The following TRIM37 variants were observed in gnomAD, a reference collection of about 807,000 sequenced individuals.
TRIM37 encodes E3 ubiquitin-protein ligase TRIM37.
In TRIM37, 80 loss-of-function variants were observed where a neutral mutation model predicts 129.8. That is an observed-to-expected ratio of 0.62 (90% CI 0.51 to 0.74). The LOEUF is 0.74. TRIM37 is among the 30% of genes least tolerant of loss of function. TRIM37 has a pLI of 0.00. For synonymous variants in TRIM37, 389 were observed against 387.1 expected (o/e 1.00, Z -0.06); for missense variants, 1,054 against 1,176.5 (o/e 0.90, Z 1.52).
chr17:58,989,652 G>A (rs1232136237), intron 24 of TRIM37, among the ~76,000 whole-genome samples: 2 of 151,854 alleles, frequency 1.3e-5, no homozygotes, highest in Non-Finnish European at 2.9e-5. Context: ...ACATCTTGAA[G>A]ATAAGTTAAA....
intron 2 of TRIM37, among the ~76,000 whole-genome samples, chr17:59,095,269 T>C (rs2044743292): frequency 6.6e-6 from 1 of 151,980 alleles, no homozygotes; most frequent in Non-Finnish European, 1.5e-5. Context: ...GGTATAGCTA[T>C]TATGGCAAAG....
At chr17:59,017,538 G>T in intron 19 of TRIM37, 114 bp from the exon 20 acceptor site, 1 of 1,418,168 alleles carries the variant, frequency 7.1e-7, no homozygotes, top group Non-Finnish European at 9.9e-7. Flanking sequence ...TCTCTCTACT[G>T]TCTAAAAATA....
Position 59,051,133 on chromosome 17 carries a change from A to G in TRIM37, c.1314+81T>C, listed in dbSNP as rs544347930. Reference sequence around the variant, plus strand: ...AATTACAAAATTACAAATAGCAATAAAATATATAAAATCTAATTACAAATA... The same window carrying G: ...AATTACAAAATTACAAATAGCAATAGAATATATAAAATCTAATTACAAATA... On this transcript the variant is annotated intron_variant, in intron 14 of 23. Coordinates refer to ENST00000262294, the MANE Select transcript of TRIM37 (RefSeq NM_015294.6). The G allele has an allele frequency of 2.2e-4, 200 of 892,978 alleles. 3 individuals carry two copies. In the South Asian group the frequency reaches 2.9e-3, roughly 13 times the overall value. 55.3% of individuals were successfully genotyped at this position (892,978 alleles called of 1,614,324 possible). A position where few individuals can be genotyped will look rare whatever the true frequency, so the allele number is the denominator to read the frequency against.
chr17:58,978,615 G>A (rs756209266), downstream of TRIM37, among the ~76,000 whole-genome samples: 1 of 152,186 alleles, frequency 6.6e-6, no homozygotes, highest in Non-Finnish European at 1.5e-5. Flanking sequence ...GGAGGCGGAG[G>A]CAGGAGAATT....
intron 3 of TRIM37, among the ~76,000 whole-genome samples, 154 bp from the exon 4 acceptor site, chr17:59,088,561 G>A (rs2043985405): frequency 6.6e-6 from 1 of 151,850 alleles, no homozygotes; most frequent in Admixed American, 6.6e-5. Context: ...GACCCAGGGT[G>A]GAATGCAGCG....
intron 15 of TRIM37, 135 bp from the exon 16 acceptor site, chr17:59,047,954 C>T (rs948655877): frequency 4.1e-6 from 4 of 970,384 alleles, no homozygotes; most frequent in Admixed American, 2.0e-5. Flanking sequence ...TGTGCCTCAG[C>T]TGCTGAGCCC....
At chr17:58,990,500 A>AG (rs2032272528) in intron 24 of TRIM37, among the ~76,000 whole-genome samples, 1 of 151,412 alleles carries the variant, frequency 6.6e-6, no homozygotes, top group African/African-American at 2.4e-5. Flanking sequence ...CAAAAGAAAA[A>AG]AAAAAATCAA....
chr17:59,106,804 G>C lies in TRIM37; in HGVS notation c.-343C>G, dbSNP rs147238907. 3.6e-4 allele frequency: 182 copies of C among 498,846 alleles called. No homozygotes were observed. The highest frequency in any genetic ancestry group is 3.3e-3 in the African/African-American group (164 of 49,638). 30.9% of individuals were successfully genotyped at this position (498,846 alleles called of 1,614,324 possible). ...TATGGAACTGACGGTGGAGTTCAGC[G>C]AAGAAGGTGCCGCAGAGAATTCGCA... On this transcript the variant is annotated 5_prime_UTR_variant, in exon 1 of 24. Transcript: ENST00000262294.
intron 19 of TRIM37, among the ~76,000 whole-genome samples, chr17:59,026,890 G>C (rs1020141726): frequency 6.6e-6 from 1 of 152,122 alleles, no homozygotes. Context: ...CATTATTTTT[G>C]ATTTTTGAGA....
chr17:59,103,932 C>T (rs1484575517), intron 2 of TRIM37, among the ~76,000 whole-genome samples: 2 of 152,154 alleles, frequency 1.3e-5, no homozygotes, highest in African/African-American at 4.8e-5. Flanking sequence ...AGTTTTAAAG[C>T]CACTAGATTA....
At chr17:59,068,041 C>T (rs910047791) in intron 9 of TRIM37, among the ~76,000 whole-genome samples, 6 of 152,176 alleles carry the variant, frequency 3.9e-5, no homozygotes, top group African/African-American at 9.7e-5. Flanking sequence ...CTTAATGTCA[C>T]GAATGCTGAT....
At chr17:58,985,450 C>T (rs1475278953) in intron 24 of TRIM37, among the ~76,000 whole-genome samples, 1 of 152,168 alleles carries the variant, frequency 6.6e-6, no homozygotes, top group Non-Finnish European at 1.5e-5. Flanking sequence ...ACCCGACCTG[C>T]CAAGGACTAA....
At chr17:58,990,557 C>G (rs1042802999) in intron 24 of TRIM37, among the ~76,000 whole-genome samples, 11 of 151,408 alleles carry the variant, frequency 7.3e-5, no homozygotes, top group African/African-American at 2.7e-4. Context: ...CTTTGGGAGG[C>G]TGAGGCAGGT....
At chr17:59,046,569 A>AGC (rs2039824465) in intron 16 of TRIM37, among the ~76,000 whole-genome samples, 1 of 69,182 alleles carries the variant, frequency 1.4e-5, no homozygotes, top group East Asian at 4.7e-4. Flanking sequence ...ACAGAGTCTC[A>AGC]ACTGTCGCCC....
At position 59,001,680 on chromosome 17, in the gene TRIM37, A is replaced by G. The variant is rs1476569452; in HGVS notation, c.2730T>C (p.Thr910=). ...MSSDSDIECD[T]ENEEQEEHTS... Reference sequence around the variant, plus strand: ...TATGCTCTTCCTGCTCCTCATTCTCAGTGTCACATTCAATGTCACTGTCGC... The same window carrying G: ...TATGCTCTTCCTGCTCCTCATTCTCGGTGTCACATTCAATGTCACTGTCGC... Residue 910 remains threonine, a synonymous_variant, in exon 23 of 24, where the codon ACT becomes ACC. Transcript: ENST00000262294. 1.3e-5 allele frequency: 21 copies of G among 1,614,064 alleles called. No individual in the cohort carries two copies. The highest frequency in any genetic ancestry group is 1.8e-5 in the Non-Finnish European group (21 of 1,179,978).
At position 58,990,495 on chromosome 17, in the gene TRIM37, G is replaced by GA. The variant is rs554129113; in HGVS notation, c.2892-7575dup. Among the ~76,000 whole-genome samples the GA allele has an allele frequency of 7.2e-3, 960 of 132,636 alleles. 7 individuals are homozygous for GA. Among genetic ancestry groups the GA allele is most frequent in the South Asian group, 0.052 (220 of 4,256 alleles). The allele number at this position is 132,636 out of a possible 152,430, so 87.0% of individuals were successfully genotyped here. A position where few individuals can be genotyped will look rare whatever the true frequency, so the allele number is the denominator to read the frequency against. On this transcript the variant is annotated intron_variant, in intron 24 of 24. Coordinates refer to the TRIM37 transcript ENST00000393066. The stretch of plus-strand genomic sequence containing the variant: ...GACAGAGTGGGACTCTGTCTCAAAA[G>GA]AAAAAAAAAAATCAAGGCTGGGCCC...
At position 59,106,664 on chromosome 17, in the gene TRIM37, G is replaced by T. The variant is rs182346107; in HGVS notation, c.-203C>A. 2.2e-3 allele frequency: 1,392 copies of T among 641,306 alleles called. 8 individuals carry two copies. Among genetic ancestry groups the T allele is most frequent in the South Asian group, 5.9e-3 (324 of 54,692 alleles). The allele number at this position is 641,306 out of a possible 1,614,324, so 39.7% of individuals were successfully genotyped here. A position where few individuals can be genotyped will look rare whatever the true frequency, so the allele number is the denominator to read the frequency against. On this transcript the variant is annotated 5_prime_UTR_variant, in exon 1 of 24. Transcript: ENST00000262294. ...CCCATTTCGCCATTTTTACCGGCGC[G>T]CCCGCCCCGAGGCGCAGAAGTAGGG...
chr17:59,035,477 G>A (rs2038358428), intron 17 of TRIM37, among the ~76,000 whole-genome samples: 2 of 152,078 alleles, frequency 1.3e-5, no homozygotes, highest in African/African-American at 4.8e-5. Flanking sequence ...TATACAGCCA[G>A]GCGCGGTGGT....
chr17:59,043,952 C>T (rs72628394), intron 16 of TRIM37, among the ~76,000 whole-genome samples: 56,159 of 151,990 alleles, frequency 0.37, 10,918 homozygotes, highest in East Asian at 0.53. Flanking sequence ...AGTTGGCCTT[C>T]TTTATCTGTG....
Sources: gnomAD v4.1 joint callset for allele counts (sites outside exome capture counted in the v4.1 genomes callset) on GRCh38, gnomAD v4.1.1 for gene constraint, MANE v1.5 for transcripts, NCBI Gene and HGNC (gene_info 2026-07-23, HGNC 2026-07-21) for gene names.